Variants in C10orf67 observed in about 807,000 individuals in gnomAD.
The protein encoded by C10orf67 is chromosome 10 open reading frame 67.
In C10orf67, 60 loss-of-function variants were observed where a neutral mutation model predicts 35.6. The observed-to-expected ratio is 1.68, with a 90% CI of 1.37 to 2.09. The LOEUF is 2.09. Ranked by LOEUF, C10orf67 falls within the 30% of genes most tolerant of loss-of-function variation. The pLI is 0.00. For missense variants in C10orf67, 474 were observed against 330.2 expected (o/e 1.44, Z -3.38); for synonymous variants, 167 against 115.8 (o/e 1.44, Z -2.84).
At chr10:23,222,954 T>G (rs1276709405) in intron 15 of C10orf67, among the ~76,000 whole-genome samples, 1 of 152,194 alleles carries the variant, frequency 6.6e-6, no homozygotes, top group Non-Finnish European at 1.5e-5. Flanking sequence ...CAGTCTACTT[T>G]TCTTCTAATT....
chr10:23,342,823 C>T (rs997611198), intron 1 of C10orf67, among the ~76,000 whole-genome samples: 9 of 152,234 alleles, frequency 5.9e-5, no homozygotes, highest in African/African-American at 2.2e-4. Context: ...TGGGTCAGTC[C>T]CACTGCTGGG....
chr10:23,294,475 C>T (rs567610753), intron 5 of C10orf67, among the ~76,000 whole-genome samples: 17 of 152,182 alleles, frequency 1.1e-4, no homozygotes, highest in South Asian at 6.2e-4. Flanking sequence ...GATTAGCCAA[C>T]GGACAGCATG....
chr10:23,236,348 C>G (rs7095141), intron 13 of C10orf67, among the ~76,000 whole-genome samples: 11,005 of 147,760 alleles, frequency 0.074, 1,333 homozygotes, highest in East Asian at 0.63. Context: ...CAGAGAATTG[C>G]TTGAACCTGG....
At chr10:23,230,681 C>T (rs1199879488) in intron 13 of C10orf67, among the ~76,000 whole-genome samples, 2 of 151,962 alleles carry the variant, frequency 1.3e-5, no homozygotes, top group Non-Finnish European at 2.9e-5. Context: ...CCTGAATGGT[C>T]AATAAACATT....
chr10:23,279,450 G>C (rs1026251406), intron 8 of C10orf67, among the ~76,000 whole-genome samples: 6 of 152,256 alleles, frequency 3.9e-5, no homozygotes, highest in Non-Finnish European at 7.3e-5. Flanking sequence ...AGGGAACGCA[G>C]GTGTCAGGAA....
At chr10:23,306,713 A>G (rs1844299116) in intron 4 of C10orf67, among the ~76,000 whole-genome samples, 1 of 152,092 alleles carries the variant, frequency 6.6e-6, no homozygotes. Context: ...TTGCCAAGAG[A>G]GCAGATCTTG....
In C10orf67 at chr10:23,239,391, A is replaced by AT. The variant is rs1194411690; in HGVS notation, c.1434+337dup. Among the ~76,000 whole-genome samples the AT allele has an allele frequency of 5.9e-5, 9 of 152,276 alleles. No individual in the cohort carries two copies. In the East Asian group the frequency reaches 1.7e-3, roughly 29 times the overall value. On this transcript the variant is annotated intron_variant, in intron 13 of 15. Transcript: ENST00000636213. ...CTGGAAGCTTAGACTCCAAGCTTTG[A>AT]TATTTCCCAATATTACATCCGTGGC...
At chr10:23,207,401 T>G (rs1841187415) in intron 15 of C10orf67, among the ~76,000 whole-genome samples, 3 of 152,222 alleles carry the variant, frequency 2.0e-5, no homozygotes, top group African/African-American at 4.8e-5. Flanking sequence ...AACTTTTATT[T>G]TTTGCCTTTT....
At chr10:23,212,246 A>C (rs1841329109) in intron 15 of C10orf67, among the ~76,000 whole-genome samples, 1 of 152,212 alleles carries the variant, frequency 6.6e-6, no homozygotes, top group Non-Finnish European at 1.5e-5. Flanking sequence ...AGTCCTCAGA[A>C]TAAACCAACC....
intron 10 of C10orf67, among the ~76,000 whole-genome samples, chr10:23,255,995 GT>G (rs112134575): frequency 1.3e-3 from 191 of 152,198 alleles, no homozygotes; most frequent in African/African-American, 4.5e-3. Context: ...TAATAAGTAT[GT>G]TATCAGTTTT....
At chr10:23,217,682 A>T (rs1216865517) in intron 15 of C10orf67, among the ~76,000 whole-genome samples, 3 of 152,162 alleles carry the variant, frequency 2.0e-5, no homozygotes, top group Non-Finnish European at 4.4e-5. Context: ...AAACATTCTT[A>T]CCTTCTGCCT....
chr10:23,278,967 G>A (rs1843278723), intron 8 of C10orf67, among the ~76,000 whole-genome samples: 1 of 152,282 alleles, frequency 6.6e-6, no homozygotes, highest in South Asian at 2.1e-4. Flanking sequence ...TAAGTGGATT[G>A]TGGGTCGGTC....
At chr10:23,246,461 AAAT>A (rs1842319245) in intron 12 of C10orf67, among the ~76,000 whole-genome samples, 1 of 152,254 alleles carries the variant, frequency 6.6e-6, no homozygotes, top group Non-Finnish European at 1.5e-5. Flanking sequence ...TCTTTGAAAT[AAAT>A]AACACAAAAT....
intron 4 of C10orf67, among the ~76,000 whole-genome samples, chr10:23,308,623 T>C (rs774509240): frequency 1.3e-5 from 2 of 152,088 alleles, no homozygotes; most frequent in Non-Finnish European, 2.9e-5. Flanking sequence ...CAACAAACTT[T>C]TGCTTGTCAT....
intron 13 of C10orf67, among the ~76,000 whole-genome samples, chr10:23,232,316 G>C (rs944321583): frequency 1.3e-5 from 2 of 152,036 alleles, no homozygotes; most frequent in Admixed American, 6.6e-5. Context: ...TTAAGAATGG[G>C]GAACCTTACT....
intron 2 of C10orf67, among the ~76,000 whole-genome samples, chr10:23,326,187 T>C (rs1341980720): frequency 6.6e-6 from 1 of 152,132 alleles, no homozygotes; most frequent in Admixed American, 6.6e-5. Context: ...AGATGCTTAA[T>C]TTATTTATCC....
chr10:23,215,352 G>T (rs1000698241), intron 15 of C10orf67, among the ~76,000 whole-genome samples: 7 of 151,130 alleles, frequency 4.6e-5, no homozygotes, highest in African/African-American at 1.5e-4. Flanking sequence ...GGAGTGCAGT[G>T]GCATGATCTT....
At chr10:23,227,185 T>C (rs1167716608) in intron 13 of C10orf67, among the ~76,000 whole-genome samples, 18 of 152,168 alleles carry the variant, frequency 1.2e-4, no homozygotes, top group Admixed American at 1.2e-3. Context: ...GCAAAAATCC[T>C]CAATAAAATA....
chr10:23,216,342 T>A (rs1841429247), intron 15 of C10orf67, among the ~76,000 whole-genome samples: 1 of 152,126 alleles, frequency 6.6e-6, no homozygotes, highest in Non-Finnish European at 1.5e-5. Flanking sequence ...CAGCAAAAAT[T>A]AAAAATATGG....
Sources: gnomAD v4.1 joint callset for allele counts (sites outside exome capture counted in the v4.1 genomes callset) on GRCh38, gnomAD v4.1.1 for gene constraint, MANE v1.5 for transcripts, NCBI Gene and HGNC (gene_info 2026-07-23, HGNC 2026-07-21) for gene names.